Variants in HAT1 observed in about 807,000 individuals in gnomAD.
The protein encoded by HAT1 is histone acetyltransferase type B catalytic subunit.
Under a neutral mutation model 56.6 loss-of-function variants are expected in HAT1, and 20 were observed. That is an observed-to-expected ratio of 0.35 (90% CI 0.25 to 0.51). The LOEUF (loss-of-function observed/expected upper bound fraction) is 0.51. Ranked by LOEUF, HAT1 falls within the 20% of genes least tolerant of loss-of-function variation. HAT1 has a pLI of 0.95. For missense variants in HAT1, 408 were observed against 504.3 expected (o/e 0.81, Z 1.83); for synonymous variants, 146 against 165.5 (o/e 0.88, Z 0.91).
chr2:171,977,691 C>T (rs1688024308), intron 9 of HAT1, among the ~76,000 whole-genome samples: 3 of 150,620 alleles, frequency 2.0e-5, no homozygotes, highest in South Asian at 2.1e-4. Flanking sequence ...TACTTTGCCA[C>T]ATGCTCTGGC....
At chr2:171,938,939 C>A (rs1686945663) in intron 2 of HAT1, among the ~76,000 whole-genome samples, 1 of 152,040 alleles carries the variant, frequency 6.6e-6, no homozygotes, top group Admixed American at 6.6e-5. Context: ...CGGGGTTTCG[C>A]CATGTTGCTC....
chr2:171,960,466 G>A (rs958997534), intron 4 of HAT1, among the ~76,000 whole-genome samples: 14 of 152,152 alleles, frequency 9.2e-5, no homozygotes, highest in Non-Finnish European at 1.8e-4. Flanking sequence ...TGCATAGATG[G>A]TCAGCAGCCA....
chr2:171,925,989 T>C (rs1686579979), intron 2 of HAT1, among the ~76,000 whole-genome samples: 1 of 152,182 alleles, frequency 6.6e-6, no homozygotes, highest in Non-Finnish European at 1.5e-5. Flanking sequence ...CACTTGTATA[T>C]TGCTGGTGGG....
intron 8 of HAT1, among the ~76,000 whole-genome samples, chr2:171,971,341 T>C (rs151057446): frequency 2.2e-4 from 34 of 152,342 alleles, no homozygotes; most frequent in Non-Finnish European, 4.3e-4. Context: ...AGTTCAGTGG[T>C]TTTTAGTAAA....
At chr2:171,950,067 C>G (rs575552901) in intron 3 of HAT1, among the ~76,000 whole-genome samples, 2 of 152,326 alleles carry the variant, frequency 1.3e-5, no homozygotes, top group Non-Finnish European at 2.9e-5. Flanking sequence ...GGTATTTAGA[C>G]ATAGTGGACA....
At chr2:171,958,537 C>G (rs1235118427) in intron 4 of HAT1, among the ~76,000 whole-genome samples, 2 of 152,132 alleles carry the variant, frequency 1.3e-5, no homozygotes, top group African/African-American at 2.4e-5. Flanking sequence ...ATCTTCCCAC[C>G]TTGGCCTTCC....
intron 4 of HAT1, among the ~76,000 whole-genome samples, chr2:171,957,792 A>T (rs79024272): frequency 0.022 from 3,379 of 152,322 alleles, 58 homozygotes; most frequent in Middle Eastern, 0.037. Flanking sequence ...TCATATTTAT[A>T]AAATTGAAAG....
chr2:171,968,148 A>G (rs941395888), intron 8 of HAT1, among the ~76,000 whole-genome samples: 11 of 152,114 alleles, frequency 7.2e-5, no homozygotes, highest in Non-Finnish European at 1.5e-4. Flanking sequence ...ATGGGTTGGA[A>G]ACTCAGGAGA....
At chr2:171,958,569 C>G (rs1192819797) in intron 4 of HAT1, among the ~76,000 whole-genome samples, 1 of 152,090 alleles carries the variant, frequency 6.6e-6, no homozygotes, top group Non-Finnish European at 1.5e-5. Context: ...ATTACAGGCA[C>G]AAGCCACCGT....
intron 8 of HAT1, among the ~76,000 whole-genome samples, chr2:171,975,545 C>T (rs1322573225): frequency 2.0e-5 from 3 of 152,128 alleles, no homozygotes; most frequent in African/African-American, 7.2e-5. Flanking sequence ...TTAAATGTCT[C>T]TGTTATAGTC....
chr2:171,937,111 C>T (rs754716448), intron 2 of HAT1, among the ~76,000 whole-genome samples: 2 of 152,168 alleles, frequency 1.3e-5, no homozygotes, highest in South Asian at 2.1e-4. Context: ...TGTGCCACCA[C>T]GCCCAGTGAA....
chr2:171,938,885 T>C (rs1686944367), intron 2 of HAT1, among the ~76,000 whole-genome samples: 1 of 152,018 alleles, frequency 6.6e-6, no homozygotes, highest in Non-Finnish European at 1.5e-5. Context: ...GGACTATGGG[T>C]GTATACCACC....
chr2:171,972,486 A>G (rs6748243), intron 8 of HAT1, among the ~76,000 whole-genome samples: 23 of 152,216 alleles, frequency 1.5e-4, no homozygotes, highest in African/African-American at 5.3e-4. Flanking sequence ...GCTGGTCTTG[A>G]ACTCCAGGGC....
intron 3 of HAT1, 38 bp downstream of exon 3, chr2:171,946,821 G>T: frequency 3.3e-6 from 3 of 912,730 alleles, no homozygotes; most frequent in South Asian, 1.7e-5. Flanking sequence ...AATTAGTATG[G>T]AAAAAAAAAT....
chr2:171,936,784 G>A (rs776986866), intron 2 of HAT1, among the ~76,000 whole-genome samples: 8 of 151,920 alleles, frequency 5.3e-5, no homozygotes, highest in Admixed American at 1.3e-4. Context: ...AAGATGTATC[G>A]GGCAATATGC....
At chr2:171,977,361 C>G (rs1371742789) in intron 9 of HAT1, among the ~76,000 whole-genome samples, 2 of 144,984 alleles carry the variant, frequency 1.4e-5, no homozygotes, top group Non-Finnish European at 3.0e-5. Flanking sequence ...ACTCAGGAGG[C>G]TGAGGCAGAA....
intron 4 of HAT1, among the ~76,000 whole-genome samples, chr2:171,964,326 A>C (rs1687639086): frequency 6.6e-6 from 1 of 152,218 alleles, no homozygotes; most frequent in African/African-American, 2.4e-5. Flanking sequence ...TTCTTGTGTC[A>C]GTCCTTGTGG....
chr2:171,968,372 T>A (rs146185343), intron 8 of HAT1, among the ~76,000 whole-genome samples: 1 of 152,238 alleles, frequency 6.6e-6, no homozygotes, highest in African/African-American at 2.4e-5. Context: ...TAATGTGGAG[T>A]TCACATAAGT....
rs572073351 is a variant in HAT1, at chr2:171,933,929, T to G, written c.112+8288T>G. ...GACTTAATAGTATTAAAGTCTTTTATATTTTTACTGACTTTCTAGCGATTA... is the reference window on the plus strand; with the variant it reads ...GACTTAATAGTATTAAAGTCTTTTAGATTTTTACTGACTTTCTAGCGATTA... On this transcript the variant is annotated intron_variant, in intron 2 of 10. Coordinates refer to ENST00000264108, the MANE Select transcript of HAT1 (RefSeq NM_003642.4). 1.3e-3 allele frequency among the ~76,000 whole-genome samples: 203 copies of G among 152,356 alleles called. 7 individuals are homozygous for G. The South Asian group carries it at 0.042, about 31-fold the overall frequency.
Sources: gnomAD v4.1 joint callset for allele counts (sites outside exome capture counted in the v4.1 genomes callset) on GRCh38, gnomAD v4.1.1 for gene constraint, MANE v1.5 for transcripts, NCBI Gene and HGNC (gene_info 2026-07-23, HGNC 2026-07-21) for gene names.